The following NECAB3 variants were observed in gnomAD, a reference collection of about 807,000 sequenced individuals.
NECAB3 encodes N-terminal EF-hand calcium binding protein 3.
A neutral mutation model predicts 57.2 loss-of-function variants in NECAB3; 38 were observed. That is an observed-to-expected ratio of 0.66 (90% confidence interval 0.51 to 0.87). The LOEUF is 0.87. Among genes scored for constraint, NECAB3 ranks in the 40% least tolerant of loss-of-function variants. The pLI is 0.00. For missense variants in NECAB3, 474 were observed against 527.5 expected (o/e 0.90, Z 0.99); for synonymous variants, 223 against 222.6 (o/e 1.00, Z -0.02).
At chr20:33,662,267 A>G in intron 5 of NECAB3, 1 of 1,517,846 alleles carries the variant, frequency 6.6e-7, no homozygotes, top group Non-Finnish European at 8.9e-7. Context: ...TCAGCCCGTG[A>G]GGTCACAATG....
At chr20:33,669,783 A>G in intron 3 of NECAB3, 71 bp from the exon 4 acceptor site, 1 of 1,477,360 alleles carries the variant, frequency 6.8e-7, no homozygotes, top group Non-Finnish European at 9.1e-7. Context: ...CCAATGCCCC[A>G]CATCCCACCC....
intron 5 of NECAB3, chr20:33,664,029 C>G (rs928454152): frequency 1.7e-6 from 1 of 594,274 alleles, no homozygotes; most frequent in Non-Finnish European, 2.7e-6. Context: ...TCGCCACGGT[C>G]TGGAGCCAGG....
At chr20:33,670,614 G>T in intron 3 of NECAB3, 70 bp downstream of exon 3, 2 of 1,131,210 alleles carry the variant, frequency 1.8e-6, no homozygotes, top group Non-Finnish European at 2.6e-6. Context: ...AGGAACCAAG[G>T]CAGCAGGGGA....
chr20:33,672,482 C>A, intron 1 of NECAB3, 60 bp from the exon 2 acceptor site: 1 of 1,605,282 alleles, frequency 6.2e-7, no homozygotes. Flanking sequence ...CAGAGGCCCC[C>A]ACTCAACCCG....
chr20:33,665,939 C>T (rs1016124989), intron 5 of NECAB3, among the ~76,000 whole-genome samples: 28 of 152,226 alleles, frequency 1.8e-4, no homozygotes, highest in Admixed American at 5.9e-4. Context: ...AAAAATTAGC[C>T]GCGTATGGTG....
intron 9 of NECAB3, 63 bp from the exon 10 acceptor site, chr20:33,658,617 T>C (rs1465400104): frequency 1.1e-5 from 17 of 1,603,434 alleles, no homozygotes; most frequent in Non-Finnish European, 1.4e-5. Flanking sequence ...CTCCCCGGCC[T>C]GGGGCCTCAT....
chr20:33,667,591 A>G (rs771632304), intron 5 of NECAB3: 1 of 1,564,134 alleles, frequency 6.4e-7, no homozygotes, highest in African/African-American at 1.4e-5. Context: ...CGCCACGCCC[A>G]TCTACGCGGG....
In NECAB3 at chr20:33,674,409, C is replaced by T. The variant is rs560885718; in HGVS notation, c.-57G>A. ...TTGCTGCCGACCCTGGACGCCGCGG[C>T]GGACTCGGTGTGGCTAGAGGCCGCC... On this transcript the variant is annotated 5_prime_UTR_variant, in exon 1 of 12. Transcript: ENST00000246190. The T allele has an allele frequency of 3.8e-4, 427 of 1,113,290 alleles. 3 individuals are homozygous for T. The African/African-American group carries it at 6.5e-3, about 17-fold the overall frequency. 69.0% of individuals were successfully genotyped at this position (1,113,290 alleles called of 1,614,324 possible).
intron 10 of NECAB3, 87 bp from the exon 11 acceptor site, chr20:33,658,120 T>C (rs1273449502): frequency 5.0e-6 from 6 of 1,205,788 alleles, no homozygotes; most frequent in East Asian, 2.5e-5. Flanking sequence ...CTTCTCACAC[T>C]GCCTCTGGAG....
At chr20:33,661,656 CT>C (rs2017479478) in intron 5 of NECAB3, among the ~76,000 whole-genome samples, 2 of 152,310 alleles carry the variant, frequency 1.3e-5, no homozygotes, top group Admixed American at 1.3e-4. Context: ...TTCATTTAGT[CT>C]TTTGTTTTTC....
At chr20:33,663,503 C>A in intron 5 of NECAB3, 4 of 1,596,458 alleles carry the variant, frequency 2.5e-6, no homozygotes, top group Non-Finnish European at 3.4e-6. Flanking sequence ...AGCGCGCTCT[C>A]CCGCCTCACG....
At chr20:33,664,196 C>T in intron 5 of NECAB3, 1 of 310,736 alleles carries the variant, frequency 3.2e-6, no homozygotes, top group Middle Eastern at 8.4e-4. Context: ...TGGGCAAACC[C>T]AGGCTTGGCC....
intron 5 of NECAB3, chr20:33,662,084 C>T (rs2017492505): frequency 6.3e-5 from 23 of 366,842 alleles, no homozygotes; most frequent in South Asian, 5.4e-4. Flanking sequence ...AATTCATACC[C>T]AAACCACAGA....
In NECAB3 at chr20:33,670,762, T is replaced by C. The variant is rs2017812751; in HGVS notation, c.185A>G (p.Gln62Arg). 6.2e-7 allele frequency: 1 copy of C among 1,614,078 alleles called. No individual in the cohort carries two copies. The highest frequency in any genetic ancestry group is 8.5e-7 in the Non-Finnish European group (1 of 1,179,954). The change falls in exon 3 of 12, where the codon CAG becomes CGG. Residue 62 changes from glutamine to arginine, a missense_variant. By Grantham distance (43) the Gln-to-Arg change is conservative. Coordinates refer to ENST00000246190, the MANE Select transcript of NECAB3 (RefSeq NM_031232.4). Reference protein sequence around the residue: ...DDGKLSFEEFQNYFADGVLSL... With the variant: ...DDGKLSFEEFRNYFADGVLSL... Reference sequence around the variant, plus strand: ...GAGAACCCCATCGGCAAAGTAATTCTGGAATTCCTCAAATGAGAGCTTCCC... The same window carrying C: ...GAGAACCCCATCGGCAAAGTAATTCCGGAATTCCTCAAATGAGAGCTTCCC...
chr20:33,663,294 G>T, intron 5 of NECAB3: 1 of 562,936 alleles, frequency 1.8e-6, no homozygotes, highest in Non-Finnish European at 3.1e-6. Context: ...AGCCTGGGAT[G>T]GATGAGGGTT....
intron 2 of NECAB3, among the ~76,000 whole-genome samples, chr20:33,671,368 G>C (rs2122521700): frequency 6.6e-6 from 1 of 152,306 alleles, no homozygotes; most frequent in African/African-American, 2.4e-5. Context: ...CCTGAATGAT[G>C]TGTGAGGTCT....
In NECAB3 at chr20:33,660,798, G is replaced by A. The variant is rs2017448543; in HGVS notation, c.388-403C>T. On this transcript the variant is annotated intron_variant, in intron 5 of 11. Transcript: ENST00000246190. The surrounding 1 kb of genome is among the most constrained non-coding windows in gnomAD (Gnocchi z 4.1). ...ACACAAGGCAAAATAATGGCGTGGT[G>A]TGGCCCCAGACTCACAATCTACGTA... Among the ~76,000 whole-genome samples the A allele has an allele frequency of 6.6e-6, 1 of 152,236 alleles. No homozygotes were observed. Among genetic ancestry groups the A allele is most frequent in the South Asian group, 2.1e-4 (1 of 4,836 alleles).
Position 33,660,502 on chromosome 20 carries a change from A to C in NECAB3, c.388-107T>G. 6.9e-7 allele frequency: 1 copy of C among 1,444,772 alleles called. No individual in the cohort carries two copies. The highest frequency in any genetic ancestry group is 9.4e-7 in the Non-Finnish European group (1 of 1,065,690). 89.5% of individuals were successfully genotyped at this position (1,444,772 alleles called of 1,614,324 possible). On this transcript the variant is annotated intron_variant, in intron 5 of 11. Transcript: ENST00000246190. This position sits in a 1 kb window ranked among gnomAD's most constrained non-coding sequence, Gnocchi z 4.1. ...GAGCAGCGGTGGCAGTGCCAAGAGC[A>C]GGGGCACGCAAACCTGGCACAGGCA...
intron 2 of NECAB3, among the ~76,000 whole-genome samples, chr20:33,671,794 G>T (rs2017832450): frequency 6.6e-6 from 1 of 152,194 alleles, no homozygotes; most frequent in African/African-American, 2.4e-5. Context: ...CTTTGGCACT[G>T]GACCCAGCTT....
Sources: gnomAD v4.1 joint callset for allele counts (sites outside exome capture counted in the v4.1 genomes callset) on GRCh38, gnomAD v4.1.1 for gene constraint, Gnocchi (gnomAD v3.1) non-coding constraint, MANE v1.5 for transcripts, NCBI Gene and HGNC (gene_info 2026-07-23, HGNC 2026-07-21) for gene names.